ARAP2: variants seen among roughly 807,000 people sequenced by gnomAD.
ARAP2 encodes arf-GAP with Rho-GAP domain, ANK repeat and PH domain-containing protein 2.
Under a neutral mutation model 194.5 loss-of-function variants are expected in ARAP2, and 148 were observed. The observed-to-expected ratio is 0.76, with a 90% CI of 0.67 to 0.87. ARAP2 has a LOEUF of 0.87. ARAP2 is among the 40% of genes least tolerant of loss of function. The pLI is 0.00. For missense variants in ARAP2, 2,128 were observed against 1,989.7 expected (o/e 1.07, Z -1.32); for synonymous variants, 695 against 683.5 (o/e 1.02, Z -0.26).
At chr4:36,158,630 C>A in intron 15 of ARAP2, 100 bp downstream of exon 15, 1 of 1,029,910 alleles carries the variant, frequency 9.7e-7, no homozygotes, top group Non-Finnish European at 1.4e-6. Context: ...ACTTGGAGAT[C>A]AAATCTAACA....
intron 9 of ARAP2, among the ~76,000 whole-genome samples, chr4:36,007,799 C>T (rs1713608574): frequency 6.6e-6 from 1 of 152,120 alleles, no homozygotes; most frequent in African/African-American, 2.4e-5. Flanking sequence ...TTTTCAGAGA[C>T]AGTCTTGCTC....
At chr4:36,017,400 AC>A (rs1332237408) in intron 6 of ARAP2, among the ~76,000 whole-genome samples, 1 of 151,304 alleles carries the variant, frequency 6.6e-6, no homozygotes, top group Non-Finnish European at 1.5e-5. Context: ...AAACAATTAA[AC>A]CATTCTGTAT....
intron 31 of ARAP2, among the ~76,000 whole-genome samples, chr4:36,076,112 AG>A (rs1728197152): frequency 6.6e-6 from 1 of 152,172 alleles, no homozygotes; most frequent in African/African-American, 2.4e-5. Flanking sequence ...TCTTGCAATC[AG>A]TATTTGCTGA....
chr4:36,192,243 A>G (rs1389177694), intron 7 of ARAP2, among the ~76,000 whole-genome samples: 2 of 151,324 alleles, frequency 1.3e-5, no homozygotes, highest in African/African-American at 4.9e-5. Flanking sequence ...AGTGTCACAG[A>G]AAATAACAAC....
chr4:36,055,470 A>G (rs1353137811), intron 2 of ARAP2, among the ~76,000 whole-genome samples: 1 of 152,210 alleles, frequency 6.6e-6, no homozygotes, highest in Non-Finnish European at 1.5e-5. Context: ...TAGTTGTTAT[A>G]TGTCTAATTT....
intron 31 of ARAP2, 54 bp from the exon 32 acceptor site, chr4:36,073,877 T>C: frequency 6.9e-6 from 11 of 1,589,346 alleles, no homozygotes; most frequent in Non-Finnish European, 8.6e-6. Flanking sequence ...TGTGGTATAC[T>C]ATGTCATAAA....
At chr4:36,035,387 C>T (rs914519790) in intron 5 of ARAP2, among the ~76,000 whole-genome samples, 2 of 151,824 alleles carry the variant, frequency 1.3e-5, no homozygotes, top group Non-Finnish European at 2.9e-5. Context: ...GTATGTTGTA[C>T]CATTGTGTGA....
intron 9 of ARAP2, among the ~76,000 whole-genome samples, chr4:36,175,072 G>C (rs999531484): frequency 1.3e-5 from 2 of 152,146 alleles, no homozygotes; most frequent in African/African-American, 4.8e-5. Context: ...ATTAAGTTAT[G>C]TGGGCAATAA....
intron 2 of ARAP2, among the ~76,000 whole-genome samples, chr4:36,057,190 T>G (rs1275984285): frequency 2.0e-5 from 3 of 151,804 alleles, no homozygotes; most frequent in Non-Finnish European, 4.4e-5. Context: ...ACTTTAATAA[T>G]TGTAATTGTT....
In ARAP2 at chr4:36,024,391, T is replaced by C. The variant is rs190197072; in HGVS notation, n.608-5105A>G. ...TGCATAACATGTCTACTGAAATAAG[T>C]GTAAGAAAAGAAAATATTGGAATGC... is the stretch of plus-strand genomic sequence containing the variant. On this transcript the variant is annotated intron_variant and non_coding_transcript_variant, in intron 5 of 12. Transcript: ENST00000503225. Among the ~76,000 whole-genome samples, 652 of 152,290 alleles carry C rather than the reference T, an allele frequency of 4.3e-3. 3 individuals are homozygous for C. Among genetic ancestry groups the C allele is most frequent in the Middle Eastern group, 0.014 (4 of 294 alleles).
intron 7 of ARAP2, among the ~76,000 whole-genome samples, chr4:36,191,659 G>GT (rs1560629927): frequency 6.6e-6 from 1 of 151,842 alleles, no homozygotes; most frequent in Non-Finnish European, 1.5e-5. Flanking sequence ...AAATGCCTGT[G>GT]TTTTTCAGAG....
chr4:36,236,574 A>G (rs1752498745), intron 1 of ARAP2, among the ~76,000 whole-genome samples: 1 of 152,214 alleles, frequency 6.6e-6, no homozygotes, highest in Admixed American at 6.5e-5. Context: ...GGATCACACA[A>G]CTAAGAAAAA....
In ARAP2 at chr4:36,055,709, ATGTACCAC is replaced by A. The variant is rs370696941; in HGVS notation, n.321+2253_321+2260del. Among the ~76,000 whole-genome samples the A allele has an allele frequency of 6.2e-3, 942 of 152,176 alleles. 12 individuals carry two copies. The highest frequency in any genetic ancestry group is 0.022 in the African/African-American group (899 of 41,536). Reference sequence around the variant, plus strand: ...CTCCCAAGGAGCTGGGATTACAGGCATGTACCACCATGACAAGCTAATTTTTGTATTTT... The same window carrying A: ...CTCCCAAGGAGCTGGGATTACAGGCACATGACAAGCTAATTTTTGTATTTT... On this transcript the variant is annotated intron_variant and non_coding_transcript_variant, in intron 2 of 12. Transcript: ENST00000503225.
rs139552384 is a variant in ARAP2 at position 36,058,881 on chromosome 4, A to G, written n.148-738T>C. 2.9e-3 allele frequency among the ~76,000 whole-genome samples: 440 copies of G among 152,308 alleles called. 1 individual carries two copies. Among genetic ancestry groups the G allele is most frequent in the African/African-American group, 0.01 (425 of 41,560 alleles). ...AGTAAGAAGATAAAGGGGATAGCAG[A>G]AAGATGATGATGCCACTTCATATGG... is the stretch of plus-strand genomic sequence containing the variant. On this transcript the variant is annotated intron_variant and non_coding_transcript_variant, in intron 1 of 12. Coordinates refer to the ARAP2 transcript ENST00000503225.
intron 5 of ARAP2, chr4:36,019,407 A>G (rs1716483434): frequency 6.7e-6 from 1 of 149,520 alleles, no homozygotes; most frequent in Non-Finnish European, 1.5e-5. Flanking sequence ...AAGCAGGCAT[A>G]GTTCAAATCT....
chr4:36,153,410 C>G (rs1560541793), intron 15 of ARAP2, among the ~76,000 whole-genome samples: 1 of 152,100 alleles, frequency 6.6e-6, no homozygotes, highest in Non-Finnish European at 1.5e-5. Context: ...TCCATGAAAC[C>G]CTCTCTGCTC....
intron 6 of ARAP2, among the ~76,000 whole-genome samples, chr4:36,208,369 T>C (rs568571052): frequency 1.3e-5 from 2 of 152,362 alleles, no homozygotes; most frequent in South Asian, 4.1e-4. Context: ...TGGCTACGTC[T>C]GCTTTTATGC....
At chr4:36,081,497 T>C (rs944885934) in intron 30 of ARAP2, among the ~76,000 whole-genome samples, 14 of 152,096 alleles carry the variant, frequency 9.2e-5, no homozygotes, top group African/African-American at 3.4e-4. Context: ...GGAGATGAAG[T>C]TGGTGGAGTC....
intron 8 of ARAP2, among the ~76,000 whole-genome samples, chr4:36,180,652 T>A (rs766925569): frequency 6.6e-6 from 1 of 152,258 alleles, no homozygotes. Context: ...CATAATTTAA[T>A]GAGTTGGGCC....
Sources: gnomAD v4.1 joint callset for allele counts (sites outside exome capture counted in the v4.1 genomes callset) on GRCh38, gnomAD v4.1.1 for gene constraint, MANE v1.5 for transcripts, NCBI Gene and HGNC (gene_info 2026-07-23, HGNC 2026-07-21) for gene names.